BMPR2: variants seen among roughly 807,000 people sequenced by gnomAD.
BMPR2 encodes bone morphogenetic protein receptor type-2.
Under a neutral mutation model 100.8 loss-of-function variants are expected in BMPR2, and 29 were observed. The observed-to-expected ratio is 0.29, with a 90% CI of 0.21 to 0.39. The LOEUF is 0.39. Ranked by LOEUF, BMPR2 falls within the 10% of genes least tolerant of loss-of-function variation. The probability of loss-of-function intolerance (pLI) is 1.00; values close to 1 mark genes in which losing one functional copy is unlikely to be tolerated. For synonymous variants in BMPR2, 382 were observed against 442.3 expected, an observed-to-expected ratio of 0.86 and a Z score of 1.71; for missense variants, 1,011 against 1,274.5, an observed-to-expected ratio of 0.79 and a Z score of 3.15.
intron 1 of BMPR2, among the ~76,000 whole-genome samples, chr2:202,409,505 C>G (rs1320489128): frequency 6.6e-6 from 1 of 152,016 alleles, no homozygotes; most frequent in Non-Finnish European, 1.5e-5. Context: ...TCACTTGAAC[C>G]CAGGAATTTG....
At chr2:202,534,332 C>G (rs1258480821) in intron 9 of BMPR2, among the ~76,000 whole-genome samples, 3 of 150,940 alleles carry the variant, frequency 2.0e-5, no homozygotes, top group Non-Finnish European at 4.4e-5. Flanking sequence ...GGTCATAGGA[C>G]AATAGTGGAG....
At chr2:202,559,000 C>T (rs555886271) in intron 12 of BMPR2, among the ~76,000 whole-genome samples, 1 of 150,552 alleles carries the variant, frequency 6.6e-6, no homozygotes, top group Non-Finnish European at 1.5e-5. Context: ...ATGCCAGGTG[C>T]CTTTAAAATT....
chr2:202,393,646 A>G (rs1690595772), intron 1 of BMPR2, among the ~76,000 whole-genome samples: 1 of 152,122 alleles, frequency 6.6e-6, no homozygotes, highest in Admixed American at 6.6e-5. Context: ...CTTGAAGCAA[A>G]GAATTATATT....
At chr2:202,530,396 C>T (rs1009340042) in intron 7 of BMPR2, among the ~76,000 whole-genome samples, 2 of 151,908 alleles carry the variant, frequency 1.3e-5, no homozygotes, top group East Asian at 1.9e-4. Flanking sequence ...TTAAGATTTA[C>T]GTTAAAATTT....
intron 1 of BMPR2, among the ~76,000 whole-genome samples, chr2:202,430,940 C>G (rs1691490720): frequency 6.9e-6 from 1 of 145,140 alleles, no homozygotes; most frequent in Non-Finnish European, 1.5e-5. Context: ...GTCTGGGCAA[C>G]AAGAGCGAAA....
chr2:202,553,368 A>G (rs879531450), intron 11 of BMPR2, among the ~76,000 whole-genome samples: 1 of 151,976 alleles, frequency 6.6e-6, no homozygotes, highest in Non-Finnish European at 1.5e-5. Context: ...TACTACTACT[A>G]CTTTTATATG....
Position 202,377,175 on chromosome 2 carries a change from G to A in BMPR2, c.-300G>A, listed in dbSNP as rs1690166295. The A allele has an allele frequency of 1.7e-6, 1 of 590,640 alleles. No individual in the cohort carries two copies. Among genetic ancestry groups the A allele is most frequent in the Non-Finnish European group, 3.0e-6 (1 of 331,570 alleles). 36.6% of individuals were successfully genotyped at this position (590,640 alleles called of 1,614,324 possible). ...GAAACTACGAGGGAAATAATTTGGGGGATTTCTTCTTGGCTCCCTGCTTTC... is the reference window on the plus strand; with the variant it reads ...GAAACTACGAGGGAAATAATTTGGGAGATTTCTTCTTGGCTCCCTGCTTTC... On this transcript the variant is annotated 5_prime_UTR_variant, in exon 1 of 13. Transcript: ENST00000374580.
intron 1 of BMPR2, among the ~76,000 whole-genome samples, chr2:202,441,470 C>T (rs551179673): frequency 2.7e-5 from 4 of 147,592 alleles, no homozygotes; most frequent in Non-Finnish European, 5.9e-5. Context: ...TTTGGGAGGC[C>T]GAGGCGGGTG....
At chr2:202,425,220 G>A (rs1691362089) in intron 1 of BMPR2, among the ~76,000 whole-genome samples, 1 of 152,152 alleles carries the variant, frequency 6.6e-6, no homozygotes, top group South Asian at 2.1e-4. Flanking sequence ...AGCCGAGCAA[G>A]TAATTTTTTA....
chr2:202,488,466 A>G (rs1435394776), intron 3 of BMPR2, among the ~76,000 whole-genome samples: 1 of 152,158 alleles, frequency 6.6e-6, no homozygotes, highest in Non-Finnish European at 1.5e-5. Context: ...AAACAAAAAA[A>G]CAAAAAAACA....
chr2:202,410,736 C>T (rs1277184350), intron 1 of BMPR2, among the ~76,000 whole-genome samples: 1 of 152,008 alleles, frequency 6.6e-6, no homozygotes, highest in South Asian at 2.1e-4. Flanking sequence ...CCCGCTGCCA[C>T]GCCCGGCTAA....
intron 1 of BMPR2, among the ~76,000 whole-genome samples, chr2:202,434,988 G>A (rs1037839772): frequency 2.2e-5 from 3 of 138,436 alleles, no homozygotes; most frequent in Non-Finnish European, 4.5e-5. Context: ...ACTGAGGTGG[G>A]CAGCTCACTT....
chr2:202,548,344 T>C (rs1297612964), intron 10 of BMPR2, among the ~76,000 whole-genome samples: 2 of 152,012 alleles, frequency 1.3e-5, no homozygotes, highest in African/African-American at 4.8e-5. Context: ...CTAAGCTACA[T>C]AGGAGGCTGA....
At chr2:202,520,236 TG>T (rs1559063335) in intron 7 of BMPR2, 35 bp downstream of exon 7, 1 of 1,465,360 alleles carries the variant, frequency 6.8e-7, no homozygotes, top group South Asian at 1.1e-5. Context: ...GACACTCATG[TG>T]GGTTCAAAAT....
At chr2:202,379,064 T>G (rs1202116724) in intron 1 of BMPR2, among the ~76,000 whole-genome samples, 1 of 152,236 alleles carries the variant, frequency 6.6e-6, no homozygotes, top group Non-Finnish European at 1.5e-5. Context: ...CATCTTAGAA[T>G]AGTGTCTCTT....
At chr2:202,421,177 G>C (rs1163132991) in intron 1 of BMPR2, among the ~76,000 whole-genome samples, 2 of 151,930 alleles carry the variant, frequency 1.3e-5, no homozygotes, top group Non-Finnish European at 2.9e-5. Flanking sequence ...CTTGAACCCA[G>C]GAGGCGGAGG....
intron 2 of BMPR2, among the ~76,000 whole-genome samples, chr2:202,465,936 C>T (rs548882930): frequency 6.6e-6 from 1 of 152,026 alleles, no homozygotes; most frequent in Non-Finnish European, 1.5e-5. Context: ...TTTTCCATGT[C>T]TTTAAAGAAT....
At position 202,512,649 on chromosome 2, in the gene BMPR2, AG is replaced by A. The variant is rs369978818; in HGVS notation, c.419-1067del. ...TCTAGTTTGTGGCCATCCATCCTAA[AG>A]GGTATTTGCTCTAGATGCGATCTGA... On this transcript the variant is annotated intron_variant, in intron 3 of 12. Transcript: ENST00000374580. 3.2e-3 allele frequency among the ~76,000 whole-genome samples: 485 copies of A among 152,292 alleles called. 2 individuals are homozygous for A. Among genetic ancestry groups the A allele is most frequent in the African/African-American group, 0.011 (470 of 41,558 alleles).
At position 202,555,423 on chromosome 2, in the gene BMPR2, A is replaced by G; in HGVS notation, c.1758A>G (p.Ser586=). The change falls in exon 12 of 13, where the codon TCA becomes TCG. Residue 586 remains serine (S), a synonymous_variant. Transcript: ENST00000374580. ...PLTIGEKNRN[S]INYERQQAQA... ...CTATAGGGGAAAAAAACCGAAATTC[A>G]ATTAACTATGAACGACAGCAAGCAC... is the stretch of plus-strand genomic sequence containing the variant. The G allele has an allele frequency of 6.2e-7, 1 of 1,614,198 alleles. No individual in the cohort carries two copies. Among genetic ancestry groups the G allele is most frequent in the Non-Finnish European group, 8.5e-7 (1 of 1,180,036 alleles).
Sources: allele counts gnomAD v4.1 joint callset (sites outside exome capture counted in the v4.1 genomes callset), GRCh38; gene constraint gnomAD v4.1.1; transcripts MANE v1.5; gene names NCBI Gene and HGNC (gene_info 2026-07-23, HGNC 2026-07-21).